PPP1R1C: variants seen among roughly 807,000 people sequenced by gnomAD.
The protein encoded by PPP1R1C is protein phosphatase 1 regulatory inhibitor subunit 1C, also known as protein phosphatase 1 regulatory subunit 1C.
Under a neutral mutation model 17.4 loss-of-function variants are expected in PPP1R1C, and 15 were observed. That is an observed-to-expected ratio of 0.86 (90% CI 0.58 to 1.33). PPP1R1C has a LOEUF of 1.33. Ranked by LOEUF, PPP1R1C falls within the 40% of genes most tolerant of loss-of-function variation. The probability of loss-of-function intolerance (pLI) is 0.00; values close to 1 mark genes in which losing one functional copy is unlikely to be tolerated. For synonymous variants in PPP1R1C, 35 were observed against 43.1 expected, an observed-to-expected ratio of 0.81 and a Z score of 0.73; for missense variants, 143 against 130.0, an observed-to-expected ratio of 1.10 and a Z score of -0.48.
intron 2 of PPP1R1C, among the ~76,000 whole-genome samples, chr2:182,034,865 A>T (rs1686955048): frequency 6.6e-6 from 1 of 152,246 alleles, no homozygotes; most frequent in African/African-American, 2.4e-5. Context: ...CACATCATTT[A>T]TCATGGTCCT....
chr2:181,984,982 A>G (rs978223365), upstream of PPP1R1C, among the ~76,000 whole-genome samples: 5 of 152,204 alleles, frequency 3.3e-5, no homozygotes, highest in African/African-American at 4.8e-5. Flanking sequence ...CCACTAGCCA[A>G]TATCAACCCT....
chr2:182,028,159 C>G (rs1225776408), intron 2 of PPP1R1C, among the ~76,000 whole-genome samples: 2 of 134,810 alleles, frequency 1.5e-5, no homozygotes, highest in African/African-American at 5.5e-5. Context: ...TTTCAAAAAA[C>G]CAGCTCCTGG....
At chr2:182,044,847 G>T (rs963736928) in intron 2 of PPP1R1C, among the ~76,000 whole-genome samples, 2 of 152,124 alleles carry the variant, frequency 1.3e-5, no homozygotes, top group Non-Finnish European at 2.9e-5. Flanking sequence ...TATCATAGGC[G>T]TTAATCTACA....
chr2:182,097,858 T>C (rs1031181417), intron 4 of PPP1R1C, among the ~76,000 whole-genome samples: 1 of 152,188 alleles, frequency 6.6e-6, no homozygotes, highest in Non-Finnish European at 1.5e-5. Context: ...TTTTAAAGAA[T>C]AAACTGAAGA....
rs200875668 is a variant in PPP1R1C at position 182,005,194 on chromosome 2, ATCTT to A, written c.142+17296_142+17299del. On this transcript the variant is annotated intron_variant, in intron 2 of 4. Transcript: ENST00000682840. Reference sequence around the variant, plus strand: ...TATATACTATAGGCTCAATATAACTATCTTAAAAACAATTACTGCTCTTAATCAT... The same window carrying A: ...TATATACTATAGGCTCAATATAACTAAAAAACAATTACTGCTCTTAATCAT... 2.1e-3 allele frequency among the ~76,000 whole-genome samples: 316 copies of A among 152,328 alleles called. 1 individual carries two copies. The highest frequency in any genetic ancestry group is 0.013 in the East Asian group (65 of 5,182).
chr2:182,009,589 T>G (rs1214648984), intron 2 of PPP1R1C, among the ~76,000 whole-genome samples: 1 of 152,068 alleles, frequency 6.6e-6, no homozygotes, highest in Non-Finnish European at 1.5e-5. Context: ...TCTATTCACT[T>G]TGTTTGTTGT....
chr2:182,060,485 A>G (rs1467628487), intron 2 of PPP1R1C, among the ~76,000 whole-genome samples: 1 of 152,156 alleles, frequency 6.6e-6, no homozygotes, highest in African/African-American at 2.4e-5. Flanking sequence ...GTGTTATTCA[A>G]TCACCCCAGG....
intron 4 of PPP1R1C, among the ~76,000 whole-genome samples, chr2:182,105,206 C>T (rs1048979322): frequency 6.6e-6 from 1 of 152,060 alleles, no homozygotes; most frequent in Non-Finnish European, 1.5e-5. Flanking sequence ...TATGTAAAAT[C>T]AGCTGAGTTT....
intron 5 of PPP1R1C, among the ~76,000 whole-genome samples, chr2:182,124,428 A>T (rs141811823): frequency 0.021 from 2,548 of 124,108 alleles, 38 homozygotes; most frequent in Middle Eastern, 0.097. Context: ...TTCTAATTCT[A>T]TGAAGAAAGT....
At chr2:182,037,252 T>A (rs1687039350) in intron 2 of PPP1R1C, among the ~76,000 whole-genome samples, 2 of 152,190 alleles carry the variant, frequency 1.3e-5, no homozygotes, top group African/African-American at 4.8e-5. Flanking sequence ...CAAGTGAGGA[T>A]GAAATGTAAA....
intron 2 of PPP1R1C, among the ~76,000 whole-genome samples, chr2:182,008,091 A>AT (rs1553502679): frequency 1.5e-5 from 2 of 129,100 alleles, no homozygotes; most frequent in African/African-American, 5.0e-5. Flanking sequence ...AAATAAATAA[A>AT]AAAATAAAAT....
chr2:182,005,358 C>A (rs776151202), intron 2 of PPP1R1C, among the ~76,000 whole-genome samples: 1 of 152,206 alleles, frequency 6.6e-6, no homozygotes, highest in African/African-American at 2.4e-5. Context: ...TCCGCTCTGA[C>A]AACTGCTCCA....
chr2:181,959,758 T>G (rs954286455), intron 1 of PPP1R1C, among the ~76,000 whole-genome samples: 1 of 152,194 alleles, frequency 6.6e-6, no homozygotes, highest in Admixed American at 6.5e-5. Flanking sequence ...TGTCCATGCA[T>G]GGACTGTAAT....
At chr2:181,997,261 A>G (rs968987111) in intron 2 of PPP1R1C, among the ~76,000 whole-genome samples, 3 of 151,806 alleles carry the variant, frequency 2.0e-5, no homozygotes, top group African/African-American at 7.3e-5. Flanking sequence ...GAAGACATAT[A>G]CACAAATATT....
downstream of PPP1R1C, among the ~76,000 whole-genome samples, chr2:182,122,088 A>G (rs993500579): frequency 1.3e-5 from 2 of 152,128 alleles, no homozygotes; most frequent in African/African-American, 4.8e-5. Context: ...TTATTTTTCT[A>G]TCCTCTTATA....
upstream of PPP1R1C, among the ~76,000 whole-genome samples, chr2:181,981,521 A>G (rs955589633): frequency 3.3e-5 from 5 of 152,224 alleles, no homozygotes; most frequent in South Asian, 4.1e-4. Context: ...TTAAATGAGC[A>G]CTTGGAAAGA....
intron 2 of PPP1R1C, among the ~76,000 whole-genome samples, chr2:181,990,749 A>G (rs531118115): frequency 6.6e-6 from 1 of 152,318 alleles, no homozygotes; most frequent in Non-Finnish European, 1.5e-5. Context: ...AACAAAACAA[A>G]TAAGAGTAAC....
At chr2:181,969,711 T>A (rs1457676978) in intron 1 of PPP1R1C, among the ~76,000 whole-genome samples, 2 of 152,226 alleles carry the variant, frequency 1.3e-5, no homozygotes, top group African/African-American at 4.8e-5. Flanking sequence ...TGTCTCTCTC[T>A]CTACCTTGCC....
At chr2:182,118,094 T>C (rs1393386681), downstream of PPP1R1C, among the ~76,000 whole-genome samples, 2 of 152,142 alleles carry the variant, frequency 1.3e-5, no homozygotes, top group Non-Finnish European at 2.9e-5. Flanking sequence ...AATATAGCAG[T>C]TTATAAATCT....
Sources: gnomAD v4.1 joint callset for allele counts (sites outside exome capture counted in the v4.1 genomes callset) on GRCh38, gnomAD v4.1.1 for gene constraint, MANE v1.5 for transcripts, NCBI Gene and HGNC (gene_info 2026-07-23, HGNC 2026-07-21) for gene names.